The following UBE2W variants were observed in gnomAD, a reference collection of about 807,000 sequenced individuals.
UBE2W encodes the protein ubiquitin conjugating enzyme E2 W, also known as ubiquitin-conjugating enzyme E2 W.
Under a neutral mutation model 27.2 loss-of-function variants are expected in UBE2W, and 18 were observed. That is an observed-to-expected ratio of 0.66 (90% confidence interval 0.46 to 0.98). The LOEUF (loss-of-function observed/expected upper bound fraction) is 0.98, where lower values mean the gene tolerates loss of function less well. UBE2W is among the 50% of genes least tolerant of loss of function. UBE2W has a pLI of 0.00. For missense variants in UBE2W, 90 were observed against 180.2 expected (o/e 0.50, Z 2.87); for synonymous variants, 53 against 57.2 (o/e 0.93, Z 0.33).
rs60216051 is a variant in UBE2W, at chr8:73,789,333, A to T, written c.*4769T>A. 3.3e-6 allele frequency: 1 copy of T among 300,560 alleles called. No individual in the cohort carries two copies. Among genetic ancestry groups the T allele is most frequent in the East Asian group, 1.8e-4 (1 of 5,570 alleles). 18.6% of individuals were successfully genotyped at this position (300,560 alleles called of 1,614,324 possible). A position where few individuals can be genotyped will look rare whatever the true frequency, so the allele number is the denominator to read the frequency against. ...AAAAAAAAAAAAAAAAAAAAAAAAAAAAAAAAAAATTCTATCCATCCAGGC... is the reference window on the plus strand; with the variant it reads ...AAAAAAAAAAAAAAAAAAAAAAAAATAAAAAAAAATTCTATCCATCCAGGC... On this transcript the variant is annotated 3_prime_UTR_variant, in exon 6 of 6. Coordinates refer to ENST00000602593, the MANE Select transcript of UBE2W (RefSeq NM_018299.6).
rs73340481 is a variant in UBE2W at position 73,872,481 on chromosome 8, T to C, written c.15+6327A>G. 3.8e-3 allele frequency among the ~76,000 whole-genome samples: 577 copies of C among 152,366 alleles called. 3 individuals are homozygous for C. Among genetic ancestry groups the C allele is most frequent in the African/African-American group, 0.012 (499 of 41,584 alleles). On this transcript the variant is annotated intron_variant, in intron 1 of 5. Coordinates refer to ENST00000602593, the MANE Select transcript of UBE2W (RefSeq NM_018299.6). Reference sequence around the variant, plus strand: ...TGTAATGTTCTTCATAGTATCTTCATATTCTTTATAAAAAAGGAAGTCAAC... The same window carrying C: ...TGTAATGTTCTTCATAGTATCTTCACATTCTTTATAAAAAAGGAAGTCAAC...
Position 73,876,928 on chromosome 8 carries a change from T to C in UBE2W, c.15+1880A>G, listed in dbSNP as rs561249792. On this transcript the variant is annotated intron_variant, in intron 1 of 5. Transcript: ENST00000602593. ...GCTGCGGTGAGCCAAGATCGCCCCA[T>C]TGCACTCCAGCCTGGGCAACAAGAG... is the stretch of plus-strand genomic sequence containing the variant. Among the ~76,000 whole-genome samples the C allele has an allele frequency of 3.1e-3, 470 of 152,088 alleles. 1 individual carries two copies. The highest frequency in any genetic ancestry group is 6.8e-3 in the Middle Eastern group (2 of 294).
At chr8:73,859,012 GTGT>G (rs762970384) in intron 1 of UBE2W, among the ~76,000 whole-genome samples, 3 of 148,188 alleles carry the variant, frequency 2.0e-5, no homozygotes, top group Non-Finnish European at 3.0e-5. Context: ...GTGTGTGTGT[GTGT>G]GTGGTGGTTT....
chr8:73,827,410 C>A (rs958555233), intron 2 of UBE2W, among the ~76,000 whole-genome samples: 2 of 152,018 alleles, frequency 1.3e-5, no homozygotes, highest in African/African-American at 4.8e-5. Flanking sequence ...GAGGGTGTTT[C>A]TCCATGTTTT....
chr8:73,804,674 C>T lies in UBE2W; in HGVS notation c.442+977G>A, dbSNP rs139927978. The stretch of plus-strand genomic sequence containing the variant: ...ATACTACCAGAACTAAATGAACAAA[C>T]AAGGCATCAAAACTTCTATTTCAAA... On this transcript the variant is annotated intron_variant, in intron 5 of 5. Coordinates refer to ENST00000602593, the MANE Select transcript of UBE2W (RefSeq NM_018299.6). Among the ~76,000 whole-genome samples the T allele has an allele frequency of 7.6e-3, 1,161 of 151,862 alleles. 19 individuals are homozygous for T. The highest frequency in any genetic ancestry group is 0.026 in the African/African-American group (1,086 of 41,416).
In UBE2W at chr8:73,791,394, A is replaced by AATAC; in HGVS notation, c.*2707_*2708insGTAT. On this transcript the variant is annotated 3_prime_UTR_variant, in exon 6 of 6. Coordinates refer to ENST00000602593, the MANE Select transcript of UBE2W (RefSeq NM_018299.6). ...TGGCCTAAAAATAAATAAATAAATA[A>AATAC]ATAAAAGAAGAAGAGTGTACCTTAT... 2.0e-6 allele frequency: 2 copies of AATAC among 984,008 alleles called. No individual in the cohort carries two copies. Among genetic ancestry groups the AATAC allele is most frequent in the African/African-American group, 3.5e-5 (2 of 57,294 alleles). 61.0% of individuals were successfully genotyped at this position (984,008 alleles called of 1,614,324 possible).
chr8:73,849,422 T>C (rs566940648), intron 1 of UBE2W, among the ~76,000 whole-genome samples: 2 of 134,058 alleles, frequency 1.5e-5, no homozygotes, highest in Middle Eastern at 0.01. Flanking sequence ...TGAGACAGGA[T>C]AATAGCTTGA....
intron 1 of UBE2W, among the ~76,000 whole-genome samples, chr8:73,864,750 T>TGGGGGGGGGGGGGG (rs71269956): frequency 1.1e-5 from 1 of 88,548 alleles, no homozygotes; most frequent in African/African-American, 6.0e-5. Flanking sequence ...CAAATTTTTT[T>TGGGGGGGGGGGGGG]GGGGGGGGGG....
intron 1 of UBE2W, among the ~76,000 whole-genome samples, chr8:73,876,037 G>A (rs868350595): frequency 4.6e-5 from 7 of 152,056 alleles, no homozygotes; most frequent in East Asian, 1.9e-4. Flanking sequence ...GAGCAACACA[G>A]CGAGACTCCA....
At chr8:73,870,178 A>G (rs1811944189) in intron 1 of UBE2W, 11 of 1,343,560 alleles carry the variant, frequency 8.2e-6, no homozygotes, top group Non-Finnish European at 1.1e-5. Context: ...TTGTGCATTA[A>G]AAGGATGTCA....
chr8:73,854,021 C>G (rs1180789420), intron 1 of UBE2W, among the ~76,000 whole-genome samples: 1 of 151,960 alleles, frequency 6.6e-6, no homozygotes, highest in African/African-American at 2.4e-5. Flanking sequence ...TGGTGGTGCA[C>G]GCTTGTAGTC....
chr8:73,857,247 GA>G (rs573917424), intron 1 of UBE2W, among the ~76,000 whole-genome samples: 16 of 148,318 alleles, frequency 1.1e-4, no homozygotes, highest in African/African-American at 3.0e-4. Flanking sequence ...CAACAAGTAG[GA>G]AAAAAAAAAT....
At chr8:73,815,624 A>C (rs1174270705) in intron 3 of UBE2W, among the ~76,000 whole-genome samples, 1 of 152,220 alleles carries the variant, frequency 6.6e-6, no homozygotes, top group Non-Finnish European at 1.5e-5. Context: ...CATCAAGCCC[A>C]ATACTGAAAG....
At position 73,836,116 on chromosome 8, in the gene UBE2W, C is replaced by T. The variant is rs374659139; in HGVS notation, c.16-5644G>A. ...ACTGATAGATAATACAGGACCACTG[C>T]TCCATCCTCCCCTCCATCCCAGAAG... On this transcript the variant is annotated intron_variant, in intron 1 of 5. Transcript: ENST00000602593. Among the ~76,000 whole-genome samples, 26 of 152,326 alleles carry T rather than the reference C, an allele frequency of 1.7e-4. No homozygotes were observed. The South Asian group carries it at 5.4e-3, about 32-fold the overall frequency.
intron 1 of UBE2W, among the ~76,000 whole-genome samples, chr8:73,843,212 T>C (rs1432037969): frequency 6.6e-6 from 1 of 152,212 alleles, no homozygotes; most frequent in African/African-American, 2.4e-5. Flanking sequence ...ACACAAAGGT[T>C]GCTTTTTGGG....
At chr8:73,808,863 A>T (rs1809027451) in intron 4 of UBE2W, among the ~76,000 whole-genome samples, 1 of 152,214 alleles carries the variant, frequency 6.6e-6, no homozygotes, top group African/African-American at 2.4e-5. Context: ...TGAGGGTTAG[A>T]GGAAGATGAA....
chr8:73,789,845 A>T lies in UBE2W; in HGVS notation c.*4257T>A, dbSNP rs1224823250. 1.9e-5 allele frequency: 17 copies of T among 873,164 alleles called. No individual in the cohort carries two copies. The South Asian group carries it at 7.4e-4, about 38-fold the overall frequency. The allele number at this position is 873,164 out of a possible 1,614,324, so 54.1% of individuals were successfully genotyped here. On this transcript the variant is annotated 3_prime_UTR_variant, in exon 6 of 6. Coordinates refer to ENST00000602593, the MANE Select transcript of UBE2W (RefSeq NM_018299.6). ...GAGCAAGACTCCGTCTCAAAAATAA[A>T]TAAATAAATAAATAATAAAAATAAT... is the stretch of plus-strand genomic sequence containing the variant.
At chr8:73,819,464 C>T (rs1228326295) in intron 3 of UBE2W, among the ~76,000 whole-genome samples, 2 of 152,144 alleles carry the variant, frequency 1.3e-5, no homozygotes, top group Non-Finnish European at 2.9e-5. Flanking sequence ...GGCCCAATGC[C>T]TTTTAAAACT....
rs1808095039 is a variant in UBE2W at position 73,789,310 on chromosome 8, A to AAAAAAAAAAAAG, written c.*4791_*4792insCTTTTTTTTTTT. On this transcript the variant is annotated 3_prime_UTR_variant, in exon 6 of 6. Transcript: ENST00000602593. ...ACATGGTGAGACCTCGTGTCTTTAA[A>AAAAAAAAAAAAG]AAAAAAAAAAAAAAAAAAAAAAAAA... 6.9e-6 allele frequency: 1 copy of AAAAAAAAAAAAG among 144,384 alleles called. No homozygotes were observed. Among genetic ancestry groups the AAAAAAAAAAAAG allele is most frequent in the Non-Finnish European group, 9.8e-6 (1 of 102,456 alleles). The allele number at this position is 144,384 out of a possible 1,614,324, so 8.9% of individuals were successfully genotyped here. A position where few individuals can be genotyped will look rare whatever the true frequency, so the allele number is the denominator to read the frequency against.
Sources: allele counts gnomAD v4.1 joint callset (sites outside exome capture counted in the v4.1 genomes callset), GRCh38; gene constraint gnomAD v4.1.1; transcripts MANE v1.5; gene names NCBI Gene and HGNC (gene_info 2026-07-23, HGNC 2026-07-21).